TIAM2: variants seen among roughly 807,000 people sequenced by gnomAD.
The protein encoded by TIAM2 is rho guanine nucleotide exchange factor TIAM2.
In TIAM2, 80 loss-of-function variants were observed where a neutral mutation model predicts 152.9. That is an observed-to-expected ratio of 0.52 (90% CI 0.44 to 0.63). TIAM2 has a LOEUF of 0.63. TIAM2 is among the 30% of genes least tolerant of loss of function. TIAM2 has a pLI of 0.00. For synonymous variants in TIAM2, 804 were observed against 838.0 expected (o/e 0.96, Z 0.70); for missense variants, 1,965 against 2,120.1 (o/e 0.93, Z 1.44).
At chr6:155,236,351 G>A (rs1782757891) in intron 15 of TIAM2, among the ~76,000 whole-genome samples, 1 of 151,754 alleles carries the variant, frequency 6.6e-6, no homozygotes, top group Admixed American at 6.6e-5. Flanking sequence ...AGCAACACCT[G>A]GGGGAGTTTT....
intron 4 of TIAM2, among the ~76,000 whole-genome samples, chr6:155,135,824 T>G (rs981510657): frequency 2.0e-5 from 3 of 152,174 alleles, no homozygotes; most frequent in Non-Finnish European, 4.4e-5. Flanking sequence ...AAATAGGTAC[T>G]CAAATGAAAG....
intron 15 of TIAM2, among the ~76,000 whole-genome samples, chr6:155,226,900 C>T (rs531171459): frequency 6.6e-5 from 10 of 152,136 alleles, no homozygotes; most frequent in East Asian, 1.9e-4. Flanking sequence ...GTTTGTTTTG[C>T]GCCCCTGTCT....
At chr6:155,118,455 C>T (rs1316735528) in intron 2 of TIAM2, among the ~76,000 whole-genome samples, 3 of 125,688 alleles carry the variant, frequency 2.4e-5, no homozygotes, top group Non-Finnish European at 3.2e-5. Context: ...TTTTTTGAGA[C>T]GGAGTCTTGC....
chr6:155,024,677 A>G (rs1776563982), intron 1 of TIAM2, among the ~76,000 whole-genome samples: 2 of 150,508 alleles, frequency 1.3e-5, no homozygotes, highest in African/African-American at 2.4e-5. Context: ...AGCAATTACT[A>G]TGTTTGAAAG....
chr6:155,104,498 C>CT lies in TIAM2; in HGVS notation c.-118+14120dup, dbSNP rs1242772762. On this transcript the variant is annotated intron_variant, in intron 2 of 26. Transcript: ENST00000682666. ...GCATGGCCGGCACGGTGGGTCACAC[C>CT]TGTCATCCCAGCACTTTGGGAGGCC... Among the ~76,000 whole-genome samples the CT allele has an allele frequency of 9.9e-5, 15 of 152,282 alleles. No homozygotes were observed. In the South Asian group the frequency reaches 2.7e-3, roughly 27 times the overall value.
chr6:154,999,715 C>T (rs1279011840), intron 1 of TIAM2, among the ~76,000 whole-genome samples: 2 of 152,012 alleles, frequency 1.3e-5, no homozygotes, highest in Non-Finnish European at 2.9e-5. Context: ...CTCTGTAGCC[C>T]AGGCTGGAGT....
chr6:155,048,990 G>A lies in TIAM2; in HGVS notation c.-208-41299G>A, dbSNP rs933431980. 3.3e-5 allele frequency among the ~76,000 whole-genome samples: 5 copies of A among 151,836 alleles called. 1 individual carries two copies. Among genetic ancestry groups the A allele is most frequent in the East Asian group, 3.9e-4 (2 of 5,176 alleles). ...TAATTTTTGTATTTTTAGTAGAGAC[G>A]GGTTTTCACCATATTGGTCAGGCTG... On this transcript the variant is annotated intron_variant, in intron 1 of 26. Transcript: ENST00000682666.
rs1777484954 is a variant in TIAM2 at position 155,057,601 on chromosome 6, C to A, written c.-208-32688C>A. Among the ~76,000 whole-genome samples, 3 of 129,406 alleles carry A rather than the reference C, an allele frequency of 2.3e-5. No individual in the cohort carries two copies. In the South Asian group the frequency reaches 7.3e-4, roughly 31 times the overall value. The allele number at this position is 129,406 out of a possible 152,430, so 84.9% of individuals were successfully genotyped here. On this transcript the variant is annotated intron_variant, in intron 1 of 26. Coordinates refer to ENST00000682666, the MANE Select transcript of TIAM2 (RefSeq NM_012454.4). ...TCGCGCTGTTGCCCAGGCTGGAGTG[C>A]AGTGACGTGATCTTGCTCACTGCAA...
At chr6:155,130,865 C>T (rs1779430011) in intron 4 of TIAM2, among the ~76,000 whole-genome samples, 1 of 152,132 alleles carries the variant, frequency 6.6e-6, no homozygotes, top group Non-Finnish European at 1.5e-5. Context: ...CTTATAAGGA[C>T]CCTAATCCCA....
intron 7 of TIAM2, among the ~76,000 whole-genome samples, chr6:155,157,421 TAGG>T (rs1780147997): frequency 1.3e-5 from 2 of 152,098 alleles, no homozygotes; most frequent in South Asian, 2.1e-4. Flanking sequence ...AATAGACCCT[TAGG>T]AGAAGTATAT....
intron 15 of TIAM2, among the ~76,000 whole-genome samples, chr6:155,221,805 C>T (rs1039683438): frequency 2.5e-4 from 38 of 152,098 alleles, no homozygotes; most frequent in African/African-American, 9.2e-4. Context: ...CCTTTCTGGG[C>T]TTCTGAATTA....
At chr6:155,251,840 C>A in intron 22 of TIAM2, 105 bp from the exon 23 acceptor site, 2 of 852,426 alleles carry the variant, frequency 2.3e-6, no homozygotes, top group Non-Finnish European at 3.7e-6. Context: ...GTCTTAGAGA[C>A]TCATACGTTT....
At chr6:155,047,688 G>GGAGAGAGAGAGAGAGAGCGA (rs777952633) in intron 1 of TIAM2, among the ~76,000 whole-genome samples, 1 of 44,684 alleles carries the variant, frequency 2.2e-5, no homozygotes, top group East Asian at 5.6e-4. Flanking sequence ...GAGAGAGAGA[G>GGAGAGAGAGAGAGAGAGCGA]GAGAGAGAGA....
At chr6:155,109,004 A>T (rs564550093) in intron 2 of TIAM2, among the ~76,000 whole-genome samples, 11 of 152,064 alleles carry the variant, frequency 7.2e-5, no homozygotes, top group African/African-American at 2.7e-4. Flanking sequence ...TTTGTTTTGA[A>T]ACAGAGTCTC....
chr6:155,111,093 A>G (rs1262377446), intron 2 of TIAM2, among the ~76,000 whole-genome samples: 1 of 152,184 alleles, frequency 6.6e-6, no homozygotes, highest in Non-Finnish European at 1.5e-5. Context: ...ATTAAAGGCA[A>G]TGAGAAGAAA....
At chr6:155,088,062 T>TC (rs1175769253) in intron 1 of TIAM2, among the ~76,000 whole-genome samples, 1 of 149,632 alleles carries the variant, frequency 6.7e-6, no homozygotes, top group East Asian at 1.9e-4. Flanking sequence ...CTTTTTTTTT[T>TC]TTTTTTTTTT....
At chr6:155,060,397 C>T (rs537917461) in intron 1 of TIAM2, among the ~76,000 whole-genome samples, 17 of 151,936 alleles carry the variant, frequency 1.1e-4, no homozygotes, top group South Asian at 8.3e-4. Context: ...AGCGAAACTC[C>T]GTCTCAAAAA....
At chr6:155,027,350 T>A (rs1023852959) in intron 1 of TIAM2, among the ~76,000 whole-genome samples, 7 of 140,866 alleles carry the variant, frequency 5.0e-5, no homozygotes, top group Non-Finnish European at 9.2e-5. Flanking sequence ...ATATATACTG[T>A]GTTACATATA....
Position 155,130,305 on chromosome 6 carries a change from G to T in TIAM2, c.1082G>T (p.Arg361Leu). Residue 361 changes from arginine to leucine, a missense_variant, in exon 4 of 27, where the codon CGG (arginine) becomes CTG (leucine). By Grantham distance (102) the Arg-to-Leu change is moderately radical (BLOSUM62 -2). Coordinates refer to ENST00000682666, the MANE Select transcript of TIAM2 (RefSeq NM_012454.4). Reference protein sequence around the residue: ...IQYSSFTLPCRKPKAFVEDTA... With the variant: ...IQYSSFTLPCLKPKAFVEDTA... ...TACAGTTCCTTCACTCTCCCCTGTC[G>T]GAAGCCCAAAGCCTTTGTTGAGGAT... The T allele has an allele frequency of 6.2e-7, 1 of 1,614,092 alleles. No individual in the cohort carries two copies. Among genetic ancestry groups the T allele is most frequent in the Non-Finnish European group, 8.5e-7 (1 of 1,180,024 alleles).
Sources: gnomAD v4.1 joint callset for allele counts (sites outside exome capture counted in the v4.1 genomes callset) on GRCh38, gnomAD v4.1.1 for gene constraint, MANE v1.5 for transcripts, NCBI Gene and HGNC (gene_info 2026-07-23, HGNC 2026-07-21) for gene names.